The following PROCA1 variants were observed in gnomAD, a reference collection of about 807,000 sequenced individuals.
PROCA1 encodes protein PROCA1.
A neutral mutation model predicts 23.2 loss-of-function variants in PROCA1; 22 were observed. The observed-to-expected ratio is 0.95, with a 90% CI of 0.68 to 1.35. The LOEUF (loss-of-function observed/expected upper bound fraction) is 1.35. PROCA1 is among the 40% of genes most tolerant of loss of function. The probability of loss-of-function intolerance (pLI) is 0.00; values close to 1 mark genes in which losing one functional copy is unlikely to be tolerated. For synonymous variants in PROCA1, 182 were observed against 179.2 expected, an observed-to-expected ratio of 1.02 and a Z score of -0.12; for missense variants, 469 against 459.8, an observed-to-expected ratio of 1.02 and a Z score of -0.18.
At chr17:28,706,790 GGCA>G in intron 1 of PROCA1, 27 bp from the exon 2 acceptor site, 2 of 1,302,646 alleles carry the variant, frequency 1.5e-6, no homozygotes, top group Non-Finnish European at 2.0e-6. Context: ...TGGCAGTGGT[GGCA>G]GCAGCCCCCT....
intron 2 of PROCA1, 48 bp downstream of exon 2, chr17:28,706,632 G>A (rs2032486208): frequency 8.0e-7 from 1 of 1,252,358 alleles, no homozygotes; most frequent in Non-Finnish European, 1.1e-6. Context: ...AGCTTTCCCA[G>A]GTGAGGGGTG....
At chr17:28,711,493 C>T in intron 1 of PROCA1, 77 bp downstream of exon 1, 1 of 1,274,556 alleles carries the variant, frequency 7.8e-7, no homozygotes, top group Middle Eastern at 2.2e-4. Context: ...GTCGGTTTGC[C>T]GGCTTCCCGC....
chr17:28,710,817 C>A lies in PROCA1; in HGVS notation c.91+753G>T, dbSNP rs142632886. 9.2e-6 allele frequency: 12 copies of A among 1,304,148 alleles called. No individual in the cohort carries two copies. The African/African-American group carries it at 1.8e-4, about 20-fold the overall frequency. The allele number at this position is 1,304,148 out of a possible 1,614,324, so 80.8% of individuals were successfully genotyped here. On this transcript the variant is annotated intron_variant, in intron 1 of 4. Coordinates refer to ENST00000682792, the MANE Select transcript of PROCA1 (RefSeq NM_001366301.1). ...GTGAAAGAAAGTGGGAGGCTTATGG[C>A]GTCTTTCCCCGTGAGGCGTTAATCG...
At chr17:28,709,468 G>A (rs2032678540) in intron 1 of PROCA1, among the ~76,000 whole-genome samples, 1 of 151,864 alleles carries the variant, frequency 6.6e-6, no homozygotes, top group Non-Finnish European at 1.5e-5. Context: ...TGTTAGCCAG[G>A]ATGGTCTTGA....
At chr17:28,710,529 A>AAAAG (rs1555553420) in intron 1 of PROCA1, among the ~76,000 whole-genome samples, 41 of 142,192 alleles carry the variant, frequency 2.9e-4, no homozygotes, top group South Asian at 6.9e-4. Flanking sequence ...AAAAAAAAAA[A>AAAAG]GCACACATGC....
chr17:28,708,158 C>T (rs866420365), intron 1 of PROCA1, among the ~76,000 whole-genome samples: 17 of 152,108 alleles, frequency 1.1e-4, no homozygotes, highest in African/African-American at 3.4e-4. Context: ...TACAGGTGCA[C>T]GCCACCACAC....
Position 28,703,530 on chromosome 17 carries a change from T to A in PROCA1, c.*28A>T, listed in dbSNP as rs368142443. 6.3e-7 allele frequency: 1 copy of A among 1,595,790 alleles called. No homozygotes were observed. Among genetic ancestry groups the A allele is most frequent in the African/African-American group, 1.3e-5 (1 of 74,404 alleles). On this transcript the variant is annotated 3_prime_UTR_variant, in exon 5 of 5. Coordinates refer to ENST00000682792, the MANE Select transcript of PROCA1 (RefSeq NM_001366301.1). ...AGGGCCAGCCACAGGCTCGATGGCA[T>A]TTATTCTGCACCCTGACCACCCTGG...
intron 2 of PROCA1, chr17:28,705,055 C>G (rs2032398098): frequency 3.7e-6 from 2 of 539,374 alleles, no homozygotes; most frequent in Non-Finnish European, 6.6e-6. Context: ...AGACCCTTAT[C>G]AAGCCCCCTG....
intron 1 of PROCA1, chr17:28,707,879 G>T (rs1189609744): frequency 6.6e-6 from 1 of 152,274 alleles, no homozygotes. Context: ...TTCTCTTCCA[G>T]CCACCTGCAA....
Position 28,703,242 on chromosome 17 carries a change from C to G in PROCA1, c.*316G>C. 2.8e-6 allele frequency: 1 copy of G among 361,668 alleles called. No individual in the cohort carries two copies. Among genetic ancestry groups the G allele is most frequent in the Non-Finnish European group, 5.0e-6 (1 of 198,758 alleles). 22.4% of individuals were successfully genotyped at this position (361,668 alleles called of 1,614,324 possible). A position where few individuals can be genotyped will look rare whatever the true frequency, so the allele number is the denominator to read the frequency against. ...ATTGGGGGTATCGCTGCAGACAGTA[C>G]TGCCTGTCCCAGAAGTGGATTTCAC... On this transcript the variant is annotated 3_prime_UTR_variant, in exon 5 of 5. Coordinates refer to ENST00000682792, the MANE Select transcript of PROCA1 (RefSeq NM_001366301.1).
Position 28,706,775 on chromosome 17 carries a change from T to C in PROCA1, c.92-12A>G, listed in dbSNP as rs1374422126. 20 of 1,302,926 alleles carry C rather than the reference T, an allele frequency of 1.5e-5. No individual in the cohort carries two copies. Among genetic ancestry groups the C allele is most frequent in the Admixed American group, 1.1e-4 (5 of 43,496 alleles). The allele number at this position is 1,302,926 out of a possible 1,614,324, so 80.7% of individuals were successfully genotyped here. The stretch of plus-strand genomic sequence containing the variant: ...TAACCTGTTTACATCTGAGAGAGCA[T>C]AGAGTGGCAGTGGTGGCAGCAGCCC... On this transcript the variant is annotated splice_polypyrimidine_tract_variant and intron_variant, in intron 1 of 4. Coordinates refer to ENST00000682792, the MANE Select transcript of PROCA1 (RefSeq NM_001366301.1).
At chr17:28,708,065 A>G (rs529805120) in intron 1 of PROCA1, among the ~76,000 whole-genome samples, 3 of 152,292 alleles carry the variant, frequency 2.0e-5, no homozygotes, top group African/African-American at 7.2e-5. Flanking sequence ...GCTGGAGTGC[A>G]GTGGTGGGAT....
rs1348288791 is a variant in PROCA1, at chr17:28,703,744, C to T, written c.909G>A (p.Leu303=). The change falls in exon 5 of 5, where the codon CTG becomes CTA. Residue 303 remains leucine (L), a synonymous_variant. Coordinates refer to ENST00000682792, the MANE Select transcript of PROCA1 (RefSeq NM_001366301.1). ...GGCCATTGTAACTGTCCTCGCTCTC[C>T]AGCTCTTCCCGGCTTTCTGGGCTGG... is the stretch of plus-strand genomic sequence containing the variant. ...SESSPESREE[L]ESEDSYNGRG... is the part of the protein sequence containing the mutation. 6 of 1,614,020 alleles carry T rather than the reference C, an allele frequency of 3.7e-6. No homozygotes were observed. The South Asian group carries it at 6.6e-5, about 18-fold the overall frequency.
At chr17:28,710,978 T>TGGGAAGGGAGGAAAGGAGTAGGGC in intron 1 of PROCA1, 1 of 312,608 alleles carries the variant, frequency 3.2e-6, no homozygotes. Flanking sequence ...AGGAGTAGGG[T>TGGGAAGGGAGGAAAGGAGTAGGGC]GGGAAGGGAG....
chr17:28,704,002 G>C lies in PROCA1; in HGVS notation c.651C>G (p.Ile217Met), dbSNP rs774485004. Residue 217 changes from isoleucine (I) to methionine (M), a missense_variant, in exon 5 of 5, where the codon ATC becomes ATG. Transcript: ENST00000682792. ...TCCCTGTGGGGCTCTCAGAGCGCCAGATGGTGATGGGCGCTGTGGAGTCAG... is the reference window on the plus strand; with the variant it reads ...TCCCTGTGGGGCTCTCAGAGCGCCACATGGTGATGGGCGCTGTGGAGTCAG... ...GTPDSTAPIT[I>M]WRSESPTGKG... 6.2e-7 allele frequency: 1 copy of C among 1,611,350 alleles called. No individual in the cohort carries two copies. Among genetic ancestry groups the C allele is most frequent in the Non-Finnish European group, 8.5e-7 (1 of 1,178,916 alleles).
At chr17:28,709,818 G>A (rs1286448112) in intron 1 of PROCA1, among the ~76,000 whole-genome samples, 1 of 151,642 alleles carries the variant, frequency 6.6e-6, no homozygotes, top group Non-Finnish European at 1.5e-5. Flanking sequence ...TCAACATGGT[G>A]AAATCCCTTC....
In PROCA1 at chr17:28,703,863, A is replaced by G. The variant is rs776456349; in HGVS notation, c.790T>C (p.Leu264=). ...TTAACCGGGCTTTTCTTCTTAGTCA[A>G]CTGGCCTTTCTTGGCTTTTTTCTTC... ...KLKKKAKKGQ[L]TKKKSPVKLE... is the part of the protein sequence containing the mutation. Residue 264 remains leucine, a synonymous_variant, in exon 5 of 5, where the codon TTG becomes CTG. Transcript: ENST00000682792. 5.0e-6 allele frequency: 8 copies of G among 1,613,978 alleles called. No individual in the cohort carries two copies. In the East Asian group the frequency reaches 6.7e-5, roughly 13 times the overall value.
Position 28,711,585 on chromosome 17 carries a change from C to T in PROCA1, c.76G>A (p.Glu26Lys). 6.2e-7 allele frequency: 1 copy of T among 1,611,602 alleles called. No homozygotes were observed. Among genetic ancestry groups the T allele is most frequent in the Non-Finnish European group, 8.5e-7 (1 of 1,179,388 alleles). The change falls in exon 1 of 5, where the codon GAG becomes AAG. Residue 26 changes from glutamate to lysine, a missense_variant. Transcript: ENST00000682792. The part of the protein sequence containing the change: ...KTEPKARSWD[E>K]SRCRDVNRLP... ...CCCCTCTTACCGCGGCATCTGCTCT[C>T]ATCCCACGAGCGGGCCTTGGGCTCG...
rs529275531 is a variant in PROCA1 at position 28,705,672 on chromosome 17, G to T, written c.176-829C>A. On this transcript the variant is annotated intron_variant, in intron 2 of 4. Transcript: ENST00000682792. ...TGCTCAGCTCAATGCCAGTCCTGAAGACAGGAGTTTCCCCGGTCTACCACC... is the reference window on the plus strand; with the variant it reads ...TGCTCAGCTCAATGCCAGTCCTGAATACAGGAGTTTCCCCGGTCTACCACC... 10 of 152,832 alleles carry T rather than the reference G, an allele frequency of 6.5e-5. No individual in the cohort carries two copies. The East Asian group carries it at 1.9e-3, about 30-fold the overall frequency. The allele number at this position is 152,832 out of a possible 1,614,324, so 9.5% of individuals were successfully genotyped here.
Sources: allele counts gnomAD v4.1 joint callset (sites outside exome capture counted in the v4.1 genomes callset), GRCh38; gene constraint gnomAD v4.1.1; transcripts MANE v1.5; gene names NCBI Gene and HGNC (gene_info 2026-07-23, HGNC 2026-07-21).